LRBA: variants seen among roughly 807,000 people sequenced by gnomAD.
The protein encoded by LRBA is LPS responsive beige-like anchor protein.
Under a neutral mutation model 330.0 loss-of-function variants are expected in LRBA, and 176 were observed. The ratio of observed to expected loss-of-function variants is 0.53; its 90% CI spans 0.47 to 0.60. The LOEUF (loss-of-function observed/expected upper bound fraction) is 0.60. LRBA is among the 20% of genes least tolerant of loss of function. The pLI, the probability that LRBA is intolerant of heterozygous loss-of-function variation, is 0.00. For synonymous variants in LRBA, 1,230 were observed against 1,193.0 expected (o/e 1.03, Z -0.64); for missense variants, 3,259 against 3,444.8 (o/e 0.95, Z 1.35).
chr4:150,440,531 T>C (rs1341082136), intron 44 of LRBA, among the ~76,000 whole-genome samples: 1 of 152,048 alleles, frequency 6.6e-6, no homozygotes, highest in Admixed American at 6.6e-5. Flanking sequence ...ATCCCAGCAT[T>C]TTGGCAGGCT....
At chr4:150,650,441 T>C (rs1326725376) in intron 37 of LRBA, among the ~76,000 whole-genome samples, 10 of 152,178 alleles carry the variant, frequency 6.6e-5, no homozygotes, top group Non-Finnish European at 1.3e-4. Context: ...TTGGAATGAA[T>C]ATTTGTTTCC....
intron 44 of LRBA, among the ~76,000 whole-genome samples, chr4:150,452,136 G>A (rs1753419149): frequency 6.6e-6 from 1 of 152,048 alleles, no homozygotes; most frequent in Non-Finnish European, 1.5e-5. Flanking sequence ...TATCCTTTGG[G>A]AACATATATG....
chr4:150,482,876 T>A (rs1324815687), intron 42 of LRBA, among the ~76,000 whole-genome samples: 1 of 152,054 alleles, frequency 6.6e-6, no homozygotes, highest in East Asian at 1.9e-4. Flanking sequence ...GTAGCAAGCT[T>A]ATCTTGTTAT....
chr4:150,425,714 C>T (rs2151973147), intron 46 of LRBA, among the ~76,000 whole-genome samples: 1 of 152,282 alleles, frequency 6.6e-6, no homozygotes, highest in South Asian at 2.1e-4. Flanking sequence ...TTGGGGCAAA[C>T]ATACCAACTA....
intron 44 of LRBA, among the ~76,000 whole-genome samples, chr4:150,461,107 A>G (rs1406455722): frequency 6.6e-6 from 1 of 151,848 alleles, no homozygotes; most frequent in Admixed American, 6.6e-5. Flanking sequence ...CCTGGGATAA[A>G]GACAACAAGA....
intron 37 of LRBA, among the ~76,000 whole-genome samples, chr4:150,610,481 C>G (rs560757558): frequency 6.6e-6 from 1 of 152,014 alleles, no homozygotes; most frequent in African/African-American, 2.4e-5. Context: ...CCCAGCTACA[C>G]GGGAGACTGA....
At chr4:150,435,792 T>A in intron 45 of LRBA, 84 bp from the exon 46 acceptor site, 1 of 1,014,426 alleles carries the variant, frequency 9.9e-7, no homozygotes, top group Non-Finnish European at 1.5e-6. Flanking sequence ...CTAAATACTT[T>A]AATGACTAAT....
chr4:150,746,019 C>A (rs1258503311), intron 35 of LRBA, among the ~76,000 whole-genome samples: 1 of 152,100 alleles, frequency 6.6e-6, no homozygotes, highest in Non-Finnish European at 1.5e-5. Flanking sequence ...GCTCCCAGCC[C>A]CCTTCCCTGT....
intron 40 of LRBA, among the ~76,000 whole-genome samples, chr4:150,536,838 A>T (rs537348378): frequency 1.3e-5 from 2 of 152,350 alleles, no homozygotes; most frequent in South Asian, 4.1e-4. Context: ...GAGATCACAC[A>T]AACAAATGGA....
At chr4:150,308,093 G>A (rs966101278) in intron 52 of LRBA, among the ~76,000 whole-genome samples, 1 of 152,196 alleles carries the variant, frequency 6.6e-6, no homozygotes, top group African/African-American at 2.4e-5. Flanking sequence ...TTACCATAAA[G>A]CATTCAAATA....
chr4:150,389,003 A>T (rs1338547459), intron 47 of LRBA, among the ~76,000 whole-genome samples: 1 of 152,180 alleles, frequency 6.6e-6, no homozygotes, highest in Non-Finnish European at 1.5e-5. Flanking sequence ...AGTATGTGAC[A>T]CTATAATTAT....
At chr4:150,354,206 T>C (rs1737529285) in intron 47 of LRBA, among the ~76,000 whole-genome samples, 1 of 152,162 alleles carries the variant, frequency 6.6e-6, no homozygotes, top group Non-Finnish European at 1.5e-5. Flanking sequence ...ATAAAACCTA[T>C]ATTAAAATAG....
chr4:150,512,442 T>G (rs888732860), intron 40 of LRBA, among the ~76,000 whole-genome samples: 1 of 152,126 alleles, frequency 6.6e-6, no homozygotes, highest in African/African-American at 2.4e-5. Flanking sequence ...AGGAGGTGAT[T>G]TGGACTTTGG....
intron 40 of LRBA, among the ~76,000 whole-genome samples, chr4:150,576,131 C>T (rs1770506561): frequency 7.1e-6 from 1 of 141,822 alleles, no homozygotes; most frequent in Non-Finnish European, 1.5e-5. Context: ...TAATATTTAT[C>T]TAATAGTACA....
intron 40 of LRBA, among the ~76,000 whole-genome samples, chr4:150,498,950 C>T (rs1759910919): frequency 6.6e-6 from 1 of 151,920 alleles, no homozygotes; most frequent in South Asian, 2.1e-4. Context: ...CAAATAATGC[C>T]TTGAGAAGAT....
chr4:150,303,716 A>G (rs1029699245), intron 52 of LRBA, among the ~76,000 whole-genome samples: 2 of 152,028 alleles, frequency 1.3e-5, no homozygotes, highest in African/African-American at 4.8e-5. Flanking sequence ...GACTACAGGC[A>G]CCCACCACCA....
intron 2 of LRBA, among the ~76,000 whole-genome samples, chr4:150,966,083 T>C (rs1305255695): frequency 6.6e-6 from 1 of 152,206 alleles, no homozygotes; most frequent in Non-Finnish European, 1.5e-5. Context: ...GATAGTGTTT[T>C]GTACATGATC....
At chr4:150,436,903 G>A (rs1751186725) in intron 44 of LRBA, 39 bp from the exon 45 acceptor site, 2 of 1,588,866 alleles carry the variant, frequency 1.3e-6, no homozygotes, top group East Asian at 2.2e-5. Flanking sequence ...ATACATCAAT[G>A]TAATCATCCT....
intron 40 of LRBA, among the ~76,000 whole-genome samples, chr4:150,559,670 T>C (rs1170236192): frequency 1.2e-5 from 1 of 85,240 alleles, no homozygotes; most frequent in Non-Finnish European, 2.1e-5. Flanking sequence ...ATAATATATA[T>C]ATTATATAAT....
Sources: allele counts gnomAD v4.1 joint callset (sites outside exome capture counted in the v4.1 genomes callset), GRCh38; gene constraint gnomAD v4.1.1; transcripts MANE v1.5; gene names NCBI Gene and HGNC (gene_info 2026-07-23, HGNC 2026-07-21).